Variants in PBRM1 observed in about 807,000 individuals in gnomAD.
PBRM1 encodes protein polybromo-1.
A neutral mutation model predicts 194.5 loss-of-function variants in PBRM1; 27 were observed. The observed-to-expected ratio is 0.14, with a 90% CI of 0.10 to 0.19. The LOEUF (loss-of-function observed/expected upper bound fraction) is 0.19. Ranked by LOEUF, PBRM1 falls within the 10% of genes least tolerant of loss-of-function variation. The probability of loss-of-function intolerance (pLI) is 1.00; values close to 1 mark genes in which losing one functional copy is unlikely to be tolerated. For missense variants in PBRM1, 1,466 were observed against 2,077.2 expected (o/e 0.71, Z 5.72); for synonymous variants, 655 against 693.2 (o/e 0.94, Z 0.87).
intron 10 of PBRM1, among the ~76,000 whole-genome samples, chr3:52,637,773 CAAAA>C (rs755241328): frequency 3.6e-4 from 15 of 42,232 alleles, no homozygotes; most frequent in East Asian, 7.9e-4. Context: ...ACTAAAAATA[CAAAA>C]AAAAAAAAAA....
chr3:52,593,160 C>T (rs2093257845), intron 17 of PBRM1, among the ~76,000 whole-genome samples: 2 of 152,088 alleles, frequency 1.3e-5, no homozygotes, highest in African/African-American at 4.8e-5. Flanking sequence ...CAGTTTTCAG[C>T]TCTGATTATT....
At chr3:52,678,640 C>G (rs752725711) in intron 1 of PBRM1, 43 bp from the exon 3 acceptor site, 1 of 1,229,000 alleles carries the variant, frequency 8.1e-7, no homozygotes, top group South Asian at 1.2e-5. Flanking sequence ...AAAAAGTGAA[C>G]AGAAAGCCAG....
upstream of PBRM1, among the ~76,000 whole-genome samples, chr3:52,684,327 T>C (rs889606430): frequency 6.6e-6 from 1 of 152,164 alleles, no homozygotes; most frequent in East Asian, 1.9e-4. Context: ...CAATAATTTA[T>C]AGTGGACAGT....
intron 20 of PBRM1, among the ~76,000 whole-genome samples, chr3:52,579,440 A>C (rs2090524911): frequency 6.6e-6 from 1 of 152,104 alleles, no homozygotes; most frequent in Non-Finnish European, 1.5e-5. Flanking sequence ...AGAAATTAAA[A>C]TAAAAAATTA....
chr3:52,588,991 A>C, intron 18 of PBRM1, 79 bp downstream of exon 20: 1 of 1,002,540 alleles, frequency 1.0e-6, no homozygotes, highest in Non-Finnish European at 1.5e-6. Context: ...TCTGAGTTAA[A>C]ATTTTCTTCC....
At chr3:52,666,564 A>G (rs992662965) in intron 3 of PBRM1, among the ~76,000 whole-genome samples, 7 of 151,294 alleles carry the variant, frequency 4.6e-5, no homozygotes, top group African/African-American at 1.7e-4. Flanking sequence ...GCAAAGGGTC[A>G]AGTATAATTA....
chr3:52,614,632 G>A (rs2153464520), intron 15 of PBRM1, among the ~76,000 whole-genome samples: 1 of 147,914 alleles, frequency 6.8e-6, no homozygotes. Context: ...GTACAGTGGT[G>A]TGATCTTGGC....
intron 5 of PBRM1, among the ~76,000 whole-genome samples, chr3:52,656,440 C>T (rs1471261271): frequency 6.6e-6 from 1 of 151,858 alleles, no homozygotes; most frequent in Non-Finnish European, 1.5e-5. Flanking sequence ...GAGGCAGGTG[C>T]ATCACTTGAG....
At chr3:52,600,699 C>T (rs964492489) in intron 17 of PBRM1, among the ~76,000 whole-genome samples, 6 of 152,166 alleles carry the variant, frequency 3.9e-5, no homozygotes, top group African/African-American at 9.7e-5. Flanking sequence ...AGTGCAATGG[C>T]GCGATCTTAG....
At chr3:52,671,128 C>A (rs1306343474) in intron 2 of PBRM1, among the ~76,000 whole-genome samples, 1 of 152,218 alleles carries the variant, frequency 6.6e-6, no homozygotes, top group Non-Finnish European at 1.5e-5. Context: ...AGGACTTTTA[C>A]ACAAGAGAAA....
At chr3:52,632,547 G>A (rs894896622) in intron 11 of PBRM1, among the ~76,000 whole-genome samples, 1 of 152,140 alleles carries the variant, frequency 6.6e-6, no homozygotes, top group Admixed American at 6.5e-5. Flanking sequence ...CAACAGAGCA[G>A]AGACCCTGTC....
intron 2 of PBRM1, among the ~76,000 whole-genome samples, chr3:52,674,765 T>C (rs533271667): frequency 2.7e-5 from 4 of 149,890 alleles, no homozygotes; most frequent in Non-Finnish European, 4.4e-5. Flanking sequence ...TTTTTACATA[T>C]ATAAATAAAA....
intron 17 of PBRM1, among the ~76,000 whole-genome samples, chr3:52,597,426 C>T (rs78886284): frequency 1.2e-3 from 178 of 152,214 alleles, no homozygotes; most frequent in South Asian, 9.1e-3. Context: ...AAAAGTTCTG[C>T]CAATTTTGGT....
intron 21 of PBRM1, among the ~76,000 whole-genome samples, chr3:52,577,060 C>T (rs1298392037): frequency 6.6e-6 from 1 of 152,112 alleles, no homozygotes; most frequent in Non-Finnish European, 1.5e-5. Context: ...CATAAAACAT[C>T]AATATTTGGG....
intron 10 of PBRM1, among the ~76,000 whole-genome samples, chr3:52,635,787 G>T (rs937037961): frequency 1.3e-5 from 2 of 152,174 alleles, no homozygotes; most frequent in African/African-American, 2.4e-5. Flanking sequence ...TAACCATTCA[G>T]AGATCCCAGA....
At chr3:52,660,281 G>T (rs1412341013) in intron 4 of PBRM1, among the ~76,000 whole-genome samples, 1 of 152,172 alleles carries the variant, frequency 6.6e-6, no homozygotes, top group Non-Finnish European at 1.5e-5. Context: ...ACCGAAGAAA[G>T]CATGGGCTGC....
chr3:52,597,379 A>G (rs960181468), intron 17 of PBRM1, among the ~76,000 whole-genome samples: 1 of 152,116 alleles, frequency 6.6e-6, no homozygotes, highest in South Asian at 2.1e-4. Context: ...TCTGTCTCCT[A>G]ATTCTCCTAT....
At chr3:52,662,612 G>C (rs945282184) in intron 3 of PBRM1, among the ~76,000 whole-genome samples, 1 of 152,136 alleles carries the variant, frequency 6.6e-6, no homozygotes, top group Non-Finnish European at 1.5e-5. Context: ...TGGATCATGA[G>C]GTCAAGAGAT....
chr3:52,621,938 CAT>C (rs1210485030), intron 13 of PBRM1, among the ~76,000 whole-genome samples: 1 of 152,022 alleles, frequency 6.6e-6, no homozygotes, highest in Non-Finnish European at 1.5e-5. Flanking sequence ...CCTAGCTACA[CAT>C]GAGGCTGAGG....
Sources: allele counts gnomAD v4.1 joint callset (sites outside exome capture counted in the v4.1 genomes callset), GRCh38; gene constraint gnomAD v4.1.1; transcripts MANE v1.5; gene names NCBI Gene and HGNC (gene_info 2026-07-23, HGNC 2026-07-21).